KIF1A: variants seen among roughly 807,000 people sequenced by gnomAD.
KIF1A encodes kinesin family member 1A, also known as kinesin-like protein KIF1A.
A neutral mutation model predicts 227.3 loss-of-function variants in KIF1A; 46 were observed. That is an observed-to-expected ratio of 0.20 (90% CI 0.16 to 0.26). KIF1A has a LOEUF of 0.26. Ranked by LOEUF, KIF1A falls within the 10% of genes least tolerant of loss-of-function variation. KIF1A has a pLI of 1.00. For missense variants in KIF1A, 1,683 were observed against 2,485.9 expected (o/e 0.68, Z 6.87); for synonymous variants, 1,022 against 1,012.8 (o/e 1.01, Z -0.17).
At position 240,789,282 on chromosome 2, in the gene KIF1A, G is replaced by T. The variant is rs182395595; in HGVS notation, c.137C>A (p.Thr46Lys). Reference sequence around the variant, plus strand: ...GTAGTCAAAGCTGAAGCTTTTGGGCGTCTCCTTGGGCTGTTTGGGGTTAAC... The same window carrying T: ...GTAGTCAAAGCTGAAGCTTTTGGGCTTCTCCTTGGGCTGTTTGGGGTTAAC... ...TIVNPKQPKETPKSFSFDYSY... is the reference protein window; with the variant it reads ...TIVNPKQPKEKPKSFSFDYSY... Residue 46 changes from threonine (T) to lysine (K), a missense_variant, in exon 3 of 49, where the codon ACG becomes AAG. Physicochemically the swap from Thr to Lys is moderately conservative, Grantham distance 78. This residue lies in a region of KIF1A where 71 missense variants were observed against 129.1 expected (regional missense o/e 0.55). Transcript: ENST00000498729. The surrounding 1 kb of genome is among the most constrained non-coding windows in gnomAD (Gnocchi z 4.8). 6.2e-7 allele frequency: 1 copy of T among 1,613,738 alleles called. No homozygotes were observed. The highest frequency in any genetic ancestry group is 8.5e-7 in the Non-Finnish European group (1 of 1,179,772).
intron 17 of KIF1A, among the ~76,000 whole-genome samples, chr2:240,767,780 C>T (rs1193276634): frequency 6.6e-6 from 1 of 152,184 alleles, no homozygotes; most frequent in Non-Finnish European, 1.5e-5. Flanking sequence ...TTCTAGGACC[C>T]CATTCCAGCT....
At chr2:240,809,641 T>C (rs985572000) in intron 1 of KIF1A, among the ~76,000 whole-genome samples, 8 of 151,818 alleles carry the variant, frequency 5.3e-5, no homozygotes, top group Non-Finnish European at 7.4e-5. Flanking sequence ...AGAAGAGTTA[T>C]ATCTTCACGC....
At position 240,720,977 on chromosome 2, in the gene KIF1A, G is replaced by T; in HGVS notation, c.4805C>A (p.Thr1602Asn). Residue 1602 changes from threonine (T) to asparagine (N), a missense_variant, in exon 45 of 49, where the codon ACT (threonine) becomes AAT (asparagine). By Grantham distance (65) the Thr-to-Asn change is moderately conservative. This residue lies in a region of KIF1A where 384 missense variants were observed against 410.1 expected (regional missense o/e 0.94). Transcript: ENST00000498729. ...GGGGCAAGTGGAGGAGGGGGTGAGA[G>T]TGGCCACCCCTAGAGGGGACATCGA... ...DPSMSPLGVA[T>N]LTPSSTCPSL... The T allele has an allele frequency of 6.2e-7, 1 of 1,607,730 alleles. No individual in the cohort carries two copies. Among genetic ancestry groups the T allele is most frequent in the Non-Finnish European group, 8.5e-7 (1 of 1,177,584 alleles).
In KIF1A at chr2:240,792,993, G is replaced by A. The variant is rs557268183; in HGVS notation, c.107-3681C>T. On this transcript the variant is annotated intron_variant, in intron 2 of 48. Coordinates refer to ENST00000498729, the MANE Select transcript of KIF1A (RefSeq NM_001244008.2). The surrounding 1 kb of genome is among the most constrained non-coding windows in gnomAD (Gnocchi z 4.5). ...CTGTTTAAGACGCCCACTCTGCAGC[G>A]CACCTGGACCTCCGAGTCTGGCCTC... Among the ~76,000 whole-genome samples the A allele has an allele frequency of 7.9e-5, 12 of 152,274 alleles. No individual in the cohort carries two copies. The South Asian group carries it at 2.1e-3, about 26-fold the overall frequency.
chr2:240,771,960 G>C (rs571067578), intron 14 of KIF1A, among the ~76,000 whole-genome samples: 14 of 152,360 alleles, frequency 9.2e-5, no homozygotes, highest in Admixed American at 9.1e-4. Context: ...CGGGGTGTGG[G>C]GGAAGTGGAG....
rs1440796922 is a variant in KIF1A, at chr2:240,726,534, C to T, written c.4122+292G>A. Reference sequence around the variant, plus strand: ...GCTGAGGCAGGAGAATCGCTTGAGCCTGGGAAGCGGAGGTTGCAGTGAGAC... The same window carrying T: ...GCTGAGGCAGGAGAATCGCTTGAGCTTGGGAAGCGGAGGTTGCAGTGAGAC... On this transcript the variant is annotated intron_variant, in intron 39 of 48. Transcript: ENST00000498729. This position sits in a 1 kb window ranked among gnomAD's most constrained non-coding sequence, Gnocchi z 5.2. Among the ~76,000 whole-genome samples, 3 of 152,096 alleles carry T rather than the reference C, an allele frequency of 2.0e-5. No homozygotes were observed. Among genetic ancestry groups the T allele is most frequent in the Non-Finnish European group, 4.4e-5 (3 of 68,030 alleles).
intron 27 of KIF1A, among the ~76,000 whole-genome samples, chr2:240,751,146 G>C (rs142718798): frequency 1.1e-4 from 17 of 152,310 alleles, no homozygotes; most frequent in South Asian, 1.0e-3. Context: ...CCCTGTCAGA[G>C]ACCCAGAGCA....
intron 40 of KIF1A, chr2:240,724,309 CAG>C: frequency 1.9e-6 from 1 of 515,262 alleles, no homozygotes; most frequent in Non-Finnish European, 3.5e-6. Context: ...CACTTTGTCC[CAG>C]CCCAAGTGGG....
rs1355802751 is a variant in KIF1A at position 240,772,575 on chromosome 2, G to T, written c.1202C>A (p.Pro401His). ...ITDTNTVPGGPKLTNALVGMS... is the reference protein window; with the variant it reads ...ITDTNTVPGGHKLTNALVGMS... ...GCAGCAAAGGGAATACACACATTTG[G>T]GTCCTCCAGGCACAGTGTTGGCTAT... The change falls in exon 14 of 49, where the codon CCC becomes CAC. Residue 401 changes from proline to histidine, a missense_variant. By Grantham distance (77) the Pro-to-His change is moderately conservative. Coordinates refer to ENST00000498729, the MANE Select transcript of KIF1A (RefSeq NM_001244008.2). 1 of 1,548,776 alleles carries T rather than the reference G, an allele frequency of 6.5e-7. No homozygotes were observed. Among genetic ancestry groups the T allele is most frequent in the Non-Finnish European group, 8.7e-7 (1 of 1,145,606 alleles).
At chr2:240,755,787 C>T (rs2049776695) in intron 27 of KIF1A, among the ~76,000 whole-genome samples, 1 of 152,234 alleles carries the variant, frequency 6.6e-6, no homozygotes, top group African/African-American at 2.4e-5. Context: ...CCTCATCCCC[C>T]TGTGCGTCCT....
chr2:240,763,109 G>T lies in KIF1A; in HGVS notation c.1950-18C>A, dbSNP rs1220587177. 1.3e-6 allele frequency: 2 copies of T among 1,596,098 alleles called. No homozygotes were observed. The highest frequency in any genetic ancestry group is 2.2e-5 in the East Asian group (1 of 44,560). On this transcript the variant is annotated intron_variant, in intron 21 of 48. Coordinates refer to ENST00000498729, the MANE Select transcript of KIF1A (RefSeq NM_001244008.2). The stretch of plus-strand genomic sequence containing the variant: ...CCTGGAGCCTGCAAGGGGGCATTGG[G>T]GTGAGCACGGGAGGGCAGGAGGGGC...
At chr2:240,799,915 A>C (rs1172817910) in intron 1 of KIF1A, among the ~76,000 whole-genome samples, 2 of 152,218 alleles carry the variant, frequency 1.3e-5, no homozygotes, top group African/African-American at 4.8e-5. Flanking sequence ...AGCTATATAA[A>C]TTCAGTGCAA....
Position 240,760,680 on chromosome 2 carries a change from G to A in KIF1A, c.2429C>T (p.Thr810Met), listed in dbSNP as rs772046874. 11 of 1,551,168 alleles carry A rather than the reference G, an allele frequency of 7.1e-6. No homozygotes were observed. The highest frequency in any genetic ancestry group is 4.8e-5 in the East Asian group (2 of 41,390). The change falls in exon 25 of 49, where the codon ACG (threonine) becomes ATG (methionine). Residue 810 changes from threonine (T) to methionine (M), a missense_variant. Physicochemically the swap from Thr to Met is moderately conservative, Grantham distance 81. Around this residue, in one of 12 missense-constraint regions of KIF1A, gnomAD observed 759 missense variants for 1,020.2 expected, o/e 0.74. Transcript: ENST00000498729. ...DQKNGATHYW[T>M]LEKLRQRLDL... ...CCAGCCCCACCTGAGCTTCTCCAGC[G>A]TCCAGTAGTGGGTGGCCCCGTTCTT...
rs2051202264 is a variant in KIF1A, at chr2:240,766,541, G to T, written c.1684+374C>A. On this transcript the variant is annotated intron_variant, in intron 19 of 48. Coordinates refer to ENST00000498729, the MANE Select transcript of KIF1A (RefSeq NM_001244008.2). This position sits in a 1 kb window ranked among gnomAD's most constrained non-coding sequence, Gnocchi z 5.0. ...CCCGCCATGAACATCCTCCACCCTGGGCCCCAACACGCTTCCCGGCCAGCA... is the reference window on the plus strand; with the variant it reads ...CCCGCCATGAACATCCTCCACCCTGTGCCCCAACACGCTTCCCGGCCAGCA... 6.6e-6 allele frequency among the ~76,000 whole-genome samples: 1 copy of T among 151,972 alleles called. No homozygotes were observed. Among genetic ancestry groups the T allele is most frequent in the Non-Finnish European group, 1.5e-5 (1 of 67,988 alleles).
chr2:240,722,013 A>G, intron 43 of KIF1A, 129 bp from the exon 44 acceptor site: 1 of 717,272 alleles, frequency 1.4e-6, no homozygotes, highest in Non-Finnish European at 2.4e-6. Context: ...CAGTGGGTCA[A>G]GGTGGGCAGC....
At position 240,758,433 on chromosome 2, in the gene KIF1A, C is replaced by T. The variant is rs908976259; in HGVS notation, c.2509G>A (p.Glu837Lys). ...CCGGTCACCACGTTGTCACAGTCCT[C>T]GATGACACTGGAGGGCACCTCTGCA... ...RAAEVPSSVI[E>K]DCDNVVTGGD... Residue 837 changes from glutamate to lysine, a missense_variant, in exon 26 of 49, where the codon GAG becomes AAG. Glu to Lys is a moderately conservative substitution (Grantham distance 56). Around this residue, in one of 12 missense-constraint regions of KIF1A, gnomAD observed 759 missense variants for 1,020.2 expected, o/e 0.74. Coordinates refer to ENST00000498729, the MANE Select transcript of KIF1A (RefSeq NM_001244008.2). The surrounding 1 kb of genome is among the most constrained non-coding windows in gnomAD (Gnocchi z 5.2). The T allele has an allele frequency of 1.4e-5, 22 of 1,612,282 alleles. No homozygotes were observed. Among genetic ancestry groups the T allele is most frequent in the Admixed American group, 6.7e-5 (4 of 59,874 alleles).
At chr2:240,759,053 A>T (rs577522271) in intron 25 of KIF1A, among the ~76,000 whole-genome samples, 1 of 152,250 alleles carries the variant, frequency 6.6e-6, no homozygotes, top group South Asian at 2.1e-4. Flanking sequence ...CTTCCAAGCC[A>T]CGTAACCTGG....
At chr2:240,774,320 G>T in intron 11 of KIF1A, 59 bp from the exon 12 acceptor site, 1 of 1,150,152 alleles carries the variant, frequency 8.7e-7, no homozygotes, top group Non-Finnish European at 1.3e-6. Context: ...GGCTATGTCT[G>T]CTCCCCCCTT....
intron 48 of KIF1A, 44 bp downstream of exon 48, chr2:240,718,006 G>A: frequency 2.3e-6 from 3 of 1,305,156 alleles, no homozygotes; most frequent in Non-Finnish European, 3.3e-6. Flanking sequence ...CCGGTTGAGG[G>A]CAGGACCCCC....
Sources: allele counts gnomAD v4.1 joint callset (sites outside exome capture counted in the v4.1 genomes callset), GRCh38; gene constraint gnomAD v4.1.1; regional missense constraint gnomAD v4.1.1; non-coding constraint Gnocchi (gnomAD v3.1); transcripts MANE v1.5; gene names NCBI Gene and HGNC (gene_info 2026-07-23, HGNC 2026-07-21).